The following GARNL3 variants were observed in gnomAD, a reference collection of about 807,000 sequenced individuals.
GARNL3 encodes the protein GTPase activating Rap/RanGAP domain like 3.
Under a neutral mutation model 125.0 loss-of-function variants are expected in GARNL3, and 63 were observed. The ratio of observed to expected loss-of-function variants is 0.50; its 90% confidence interval spans 0.41 to 0.62. The LOEUF is 0.62. Among genes scored for constraint, GARNL3 ranks in the 20% least tolerant of loss-of-function variants. The pLI is 0.00. For synonymous variants in GARNL3, 439 were observed against 457.5 expected, an observed-to-expected ratio of 0.96 and a Z score of 0.52; for missense variants, 994 against 1,244.0, an observed-to-expected ratio of 0.80 and a Z score of 3.02.
At chr9:127,298,228 G>A in intron 2 of GARNL3, among the ~76,000 whole-genome samples, 1 of 152,162 alleles carries the variant, frequency 6.6e-6, no homozygotes, top group East Asian at 1.9e-4. Context: ...GCCCAGGCTG[G>A]AGTGCAATGG....
At chr9:127,386,907 T>C (rs1174218857) in intron 24 of GARNL3, among the ~76,000 whole-genome samples, 5 of 152,220 alleles carry the variant, frequency 3.3e-5, no homozygotes, top group Non-Finnish European at 5.9e-5. Context: ...TGTGCTGTGT[T>C]TGTGATTGCA....
intron 22 of GARNL3, among the ~76,000 whole-genome samples, chr9:127,370,280 C>A (rs576952591): frequency 2.0e-5 from 3 of 152,104 alleles, no homozygotes; most frequent in Non-Finnish European, 4.4e-5. Context: ...GGCCTTGATC[C>A]GAAGCTCTGG....
chr9:127,354,905 G>A (rs1830605935), intron 19 of GARNL3, among the ~76,000 whole-genome samples: 1 of 152,176 alleles, frequency 6.6e-6, no homozygotes, highest in South Asian at 2.1e-4. Context: ...CGATTCTCCT[G>A]CCTCAGCCTC....
At chr9:127,257,896 A>G (rs1344373327) in intron 2 of GARNL3, among the ~76,000 whole-genome samples, 1 of 152,272 alleles carries the variant, frequency 6.6e-6, no homozygotes, top group Non-Finnish European at 1.5e-5. Flanking sequence ...GATGGCCAAG[A>G]CAGGTAAGAT....
intron 27 of GARNL3, among the ~76,000 whole-genome samples, chr9:127,391,552 A>ATATATATG (rs1292380673): frequency 1.2e-4 from 15 of 129,040 alleles, no homozygotes; most frequent in African/African-American, 4.3e-4. Flanking sequence ...ATATATATAT[A>ATATATATG]GGCTGGGTCT....
chr9:127,357,059 C>T (rs900066673), intron 20 of GARNL3, among the ~76,000 whole-genome samples, 160 bp from the exon 21 acceptor site: 1 of 152,242 alleles, frequency 6.6e-6, no homozygotes, highest in East Asian at 1.9e-4. Context: ...GATGTGACCC[C>T]TGGCACTCCT....
intron 4 of GARNL3, among the ~76,000 whole-genome samples, chr9:127,314,474 C>T (rs1340567148): frequency 6.6e-6 from 1 of 152,154 alleles, no homozygotes; most frequent in Non-Finnish European, 1.5e-5. Flanking sequence ...GGCATGGGGG[C>T]ATCAAGAGCC....
intron 17 of GARNL3, among the ~76,000 whole-genome samples, chr9:127,351,472 G>A (rs958761384): frequency 3.4e-5 from 5 of 148,538 alleles, no homozygotes; most frequent in African/African-American, 1.3e-4. Context: ...GTTTGTTTTT[G>A]CTTAAAAAAA....
intron 1 of GARNL3, among the ~76,000 whole-genome samples, chr9:127,287,218 T>C (rs912243449): frequency 1.3e-5 from 2 of 152,140 alleles, no homozygotes; most frequent in Admixed American, 6.5e-5. Flanking sequence ...AGAGTGGATT[T>C]TGGTGGCAGC....
At chr9:127,391,524 CA>C (rs763160611) in intron 27 of GARNL3, among the ~76,000 whole-genome samples, 6 of 70,470 alleles carry the variant, frequency 8.5e-5, no homozygotes, top group African/African-American at 1.7e-4. Flanking sequence ...CCCATCTCTA[CA>C]AAAAAAAAAT....
chr9:127,363,722 C>G (rs886106098), intron 21 of GARNL3: 3 of 152,062 alleles, frequency 2.0e-5, no homozygotes, highest in African/African-American at 7.2e-5. Flanking sequence ...GCAGCAGGGG[C>G]ACAAAAAAAC....
intron 22 of GARNL3, among the ~76,000 whole-genome samples, chr9:127,375,477 A>AG (rs1177947501): frequency 6.6e-6 from 1 of 151,942 alleles, no homozygotes; most frequent in African/African-American, 2.4e-5. Context: ...GAAAAAAAAA[A>AG]AAAAAAGAAA....
intron 21 of GARNL3, among the ~76,000 whole-genome samples, chr9:127,358,107 C>T (rs1194951706): frequency 1.3e-5 from 2 of 152,172 alleles, no homozygotes; most frequent in African/African-American, 4.8e-5. Context: ...TAGGGCCACC[C>T]AAAACTGCTC....
chr9:127,373,350 A>G (rs1056948112), intron 22 of GARNL3, among the ~76,000 whole-genome samples: 6 of 152,336 alleles, frequency 3.9e-5, no homozygotes, highest in Admixed American at 3.9e-4. Flanking sequence ...CCAAAACAAC[A>G]ACATAGGAAT....
At chr9:127,241,941 T>C (rs1487075075) in intron 1 of GARNL3, among the ~76,000 whole-genome samples, 31 of 150,794 alleles carry the variant, frequency 2.1e-4, no homozygotes, top group African/African-American at 7.3e-4. Context: ...CCTGGTTTGT[T>C]GTTGTTGTTG....
At chr9:127,307,223 C>A (rs2064982542) in intron 2 of GARNL3, among the ~76,000 whole-genome samples, 2 of 152,186 alleles carry the variant, frequency 1.3e-5, no homozygotes, top group Non-Finnish European at 2.9e-5. Flanking sequence ...TGGCATAGAG[C>A]ATTGTTTCTC....
chr9:127,226,633 T>C (rs1172334430), intron 1 of GARNL3, among the ~76,000 whole-genome samples: 1 of 152,214 alleles, frequency 6.6e-6, no homozygotes, highest in East Asian at 1.9e-4. Context: ...TTCCTCTCTG[T>C]ATACGCCCAC....
At chr9:127,282,725 A>C (rs1384326694) in intron 1 of GARNL3, among the ~76,000 whole-genome samples, 1 of 152,228 alleles carries the variant, frequency 6.6e-6, no homozygotes, top group Non-Finnish European at 1.5e-5. Flanking sequence ...CTGAATGCCA[A>C]GTACACAGTG....
Position 127,366,604 on chromosome 9 carries a change from T to A in GARNL3, c.2161+1238T>A, listed in dbSNP as rs535517911. 1.0e-3 allele frequency among the ~76,000 whole-genome samples: 156 copies of A among 152,306 alleles called. 1 individual carries two copies. Among genetic ancestry groups the A allele is most frequent in the African/African-American group, 3.4e-3 (143 of 41,572 alleles). ...GTGGCAGAGTGTTTTAAAAACTGAT[T>A]TGGATTTTTTTTATCCTTTAACCGT... On this transcript the variant is annotated intron_variant, in intron 22 of 27. Transcript: ENST00000373387.
Sources: gnomAD v4.1 joint callset for allele counts (sites outside exome capture counted in the v4.1 genomes callset) on GRCh38, gnomAD v4.1.1 for gene constraint, MANE v1.5 for transcripts, NCBI Gene and HGNC (gene_info 2026-07-23, HGNC 2026-07-21) for gene names.